PRICKLE3: variants seen among roughly 807,000 people sequenced by gnomAD.
PRICKLE3 encodes the protein prickle planar cell polarity protein 3, also known as LIM domain only protein 6.
Under a neutral mutation model 33.8 loss-of-function variants are expected in PRICKLE3, and 17 were observed. The ratio of observed to expected loss-of-function variants is 0.50; its 90% CI spans 0.34 to 0.75. The LOEUF (loss-of-function observed/expected upper bound fraction) is 0.75, where lower values mean the gene tolerates loss of function less well. Ranked by LOEUF, PRICKLE3 falls within the 30% of genes least tolerant of loss-of-function variation. The probability of loss-of-function intolerance (pLI) is 0.01; values close to 1 mark genes in which losing one functional copy is unlikely to be tolerated. For missense variants in PRICKLE3, 573 were observed against 576.7 expected (o/e 0.99, Z 0.07); for synonymous variants, 211 against 219.6 (o/e 0.96, Z 0.34).
chrX:49,180,322 G>A (rs149408761), intron 3 of PRICKLE3, among the ~76,000 whole-genome samples: 324 of 110,934 alleles, frequency 2.9e-3, no homozygotes, highest in African/African-American at 9.8e-3. Context: ...GTGAGCCACC[G>A]CGCCCAGTCT....
At chrX:49,182,057 G>A (rs1263025531) in intron 3 of PRICKLE3, among the ~76,000 whole-genome samples, 1 of 108,182 alleles carries the variant, frequency 9.2e-6, no homozygotes, top group Non-Finnish European at 1.9e-5. Context: ...AGGAATTCTT[G>A]TGGCTCAGCC....
At chrX:49,186,141 G>A in intron 1 of PRICKLE3, 115 bp downstream of exon 1, 1 of 903,789 alleles carries the variant, frequency 1.1e-6, no homozygotes, top group Admixed American at 3.1e-5. Flanking sequence ...GGGAATGCAG[G>A]GGATGGGATT....
chrX:49,184,969 C>T, intron 1 of PRICKLE3: 1 of 970,526 alleles, frequency 1.0e-6, no homozygotes, highest in Non-Finnish European at 1.3e-6. Context: ...CTCGGACCCC[C>T]CTCCCCGTCC....
At position 49,183,845 on chromosome X, in the gene PRICKLE3, G is replaced by T. The variant is rs112214301; in HGVS notation, c.201C>A (p.Arg67=). Residue 67 remains arginine (R), a synonymous_variant, in exon 3 of 9, where the codon CGC becomes CGA. Transcript: ENST00000599218. The part of the protein sequence containing the change: ...AVHAVPVDLE[R]IMCRLISDFQ... Reference sequence around the variant, plus strand: ...AGTCCGAGATTAGCCGACACATGATGCGTTCCAGGTCCACAGGCACCGCGT... The same window carrying T: ...AGTCCGAGATTAGCCGACACATGATTCGTTCCAGGTCCACAGGCACCGCGT... 1,065 of 1,209,775 alleles carry T rather than the reference G, an allele frequency of 8.8e-4. 6 individuals carry two copies. The African/African-American group carries it at 0.016, about 19-fold the overall frequency.
chrX:49,179,899 AG>A, intron 3 of PRICKLE3, 93 bp from the exon 4 acceptor site: 1 of 472,305 alleles, frequency 2.1e-6, no homozygotes, highest in South Asian at 3.4e-5. Flanking sequence ...AGAAAATGAA[AG>A]GCATTAGGAG....
chrX:49,182,384 C>T (rs1442952808), intron 3 of PRICKLE3, among the ~76,000 whole-genome samples: 1 of 111,861 alleles, frequency 8.9e-6, no homozygotes, highest in Non-Finnish European at 1.9e-5. Context: ...AACCCTCTTG[C>T]GACTTCCCTT....
At position 49,176,372 on chromosome X, in the gene PRICKLE3, G is replaced by A. The variant is rs782067745; in HGVS notation, c.1256-107C>T. The A allele has an allele frequency of 9.8e-5, 57 of 584,388 alleles. No individual in the cohort carries two copies. The African/African-American group carries it at 1.3e-3, about 13-fold the overall frequency. 48.2% of individuals were successfully genotyped at this position (584,388 alleles called of 1,213,427 possible). A position where few individuals can be genotyped will look rare whatever the true frequency, so the allele number is the denominator to read the frequency against. On this transcript the variant is annotated intron_variant, in intron 8 of 8. Coordinates refer to ENST00000599218, the MANE Select transcript of PRICKLE3 (RefSeq NM_006150.5). ...TCTTTCCTCCACTAAGACTGGGAAA[G>A]TGGGGGCAGGGGTCGGAGAATGGCA...
chrX:49,176,778 G>A (rs1469846465), intron 8 of PRICKLE3, 125 bp downstream of exon 8: 11 of 700,819 alleles, frequency 1.6e-5, no homozygotes, highest in Middle Eastern at 5.1e-4. Context: ...AGAAATGGGC[G>A]GGGCCCAGGG....
In PRICKLE3 at chrX:49,179,747, C is replaced by T. The variant is rs1557100730; in HGVS notation, c.372G>A (p.Gly124=). 8.4e-7 allele frequency: 1 copy of T among 1,187,859 alleles called. No individual in the cohort carries two copies. Among genetic ancestry groups the T allele is most frequent in the Non-Finnish European group, 1.1e-6 (1 of 882,557 alleles). ...GCAGCTGCTTGATCCTGTATTTCTCCCCAGGACTGTTGACGTAGGGGACCT... is the reference window on the plus strand; with the variant it reads ...GCAGCTGCTTGATCCTGTATTTCTCTCCAGGACTGTTGACGTAGGGGACCT... ...EDKVPYVNSP[G]EKYRIKQLLH... Residue 124 remains glycine, a synonymous_variant, in exon 4 of 9, where the codon GGG becomes GGA. Transcript: ENST00000599218.
At chrX:49,180,333 A>G (rs1557100831) in intron 3 of PRICKLE3, among the ~76,000 whole-genome samples, 1 of 110,879 alleles carries the variant, frequency 9.0e-6, no homozygotes, top group Non-Finnish European at 1.9e-5. Flanking sequence ...CGCCCAGTCT[A>G]CTGATCCACT....
rs782087627 is a variant in PRICKLE3, at chrX:49,178,039, G to A, written c.909C>T (p.Tyr303=). 5.6e-5 allele frequency: 65 copies of A among 1,154,021 alleles called. No individual in the cohort carries two copies. The highest frequency in any genetic ancestry group is 7.3e-5 in the Non-Finnish European group (63 of 867,095). ...CACAGTACTCCGCGTGGCGGGCCTC[G>A]TAGCAGGCGCAGCAGTGGGGGCGGC... is the stretch of plus-strand genomic sequence containing the variant. The part of the protein sequence containing the change: ...RQSRPHCCAC[Y]EARHAEYCDG... Residue 303 remains tyrosine, a synonymous_variant, in exon 7 of 9, where the codon TAC becomes TAT. Transcript: ENST00000599218.
At position 49,175,715 on chromosome X, in the gene PRICKLE3, C is replaced by A; in HGVS notation, c.1806G>T (p.Gly602=). The part of the protein sequence containing the change: ...SLSLPRDSRA[G]MPRQARDKNC... ...TCTTGTCTCGGGCCTGACGAGGCAT[C>A]CCTGCGCGAGAGTCCCTGGGGAGCG... The change falls in exon 9 of 9, where the codon GGG becomes GGT. Residue 602 remains glycine, a synonymous_variant. Transcript: ENST00000599218. 8.3e-7 allele frequency: 1 copy of A among 1,211,520 alleles called. No homozygotes were observed. The highest frequency in any genetic ancestry group is 3.0e-5 in the East Asian group (1 of 33,821).
intron 4 of PRICKLE3, 82 bp downstream of exon 4, chrX:49,179,611 C>A (rs1557100689): frequency 1.1e-6 from 1 of 926,029 alleles, no homozygotes; most frequent in Non-Finnish European, 1.5e-6. Context: ...ATCAGCTCAC[C>A]TTTCCTCCTC....
Position 49,184,691 on chromosome X carries a change from G to C in PRICKLE3, c.62C>G (p.Pro21Arg). The change falls in exon 2 of 9, where the codon CCA (proline) becomes CGA (arginine). Residue 21 changes from proline to arginine, a missense_variant. Coordinates refer to ENST00000599218, the MANE Select transcript of PRICKLE3 (RefSeq NM_006150.5). Reference protein sequence around the residue: ...SGRAPPEAEDPDRGQPCNSCR... With the variant: ...SGRAPPEAEDRDRGQPCNSCR... ...GGAGTTGCAGGGCTGGCCCCGGTCT[G>C]GGTCCTCTGCCTCTGGAGGCTGCAG... is the stretch of plus-strand genomic sequence containing the variant. 2.6e-6 allele frequency: 3 copies of C among 1,160,940 alleles called. No homozygotes were observed. The highest frequency in any genetic ancestry group is 3.5e-6 in the Non-Finnish European group (3 of 869,057).
Position 49,177,031 on chromosome X carries a change from C to G in PRICKLE3, c.1127G>C (p.Gly376Ala), listed in dbSNP as rs782374306. 9.9e-6 allele frequency: 12 copies of G among 1,208,201 alleles called. No homozygotes were observed. The East Asian group carries it at 3.6e-4, about 36-fold the overall frequency. ...CSLGSEPTAP[G>A]PSRRSWSAGP... ...GGCACTCCAGCTGCGGCGGCTCGGC[C>G]CTGGAGCTGTGGGCTCGGACCCAAG... Residue 376 changes from glycine (G) to alanine (A), a missense_variant, in exon 8 of 9, where the codon GGG becomes GCG. Transcript: ENST00000599218.
At chrX:49,183,193 T>C (rs2065465711) in intron 3 of PRICKLE3, among the ~76,000 whole-genome samples, 1 of 111,774 alleles carries the variant, frequency 8.9e-6, no homozygotes, top group Non-Finnish European at 1.9e-5. Context: ...TCACATGCAG[T>C]AGGTGCCCCA....
At chrX:49,182,627 G>A (rs1485124874) in intron 3 of PRICKLE3, among the ~76,000 whole-genome samples, 1 of 112,221 alleles carries the variant, frequency 8.9e-6, no homozygotes, top group Non-Finnish European at 1.9e-5. Flanking sequence ...CTTTCGGGCA[G>A]CTCAACCATT....
intron 3 of PRICKLE3, among the ~76,000 whole-genome samples, chrX:49,181,669 G>T (rs1475358663): frequency 1.1e-5 from 1 of 91,460 alleles, no homozygotes; most frequent in Non-Finnish European, 2.1e-5. Flanking sequence ...TTTATTAAAC[G>T]GAATTTTGCT....
At position 49,175,944 on chromosome X, in the gene PRICKLE3, G is replaced by C; in HGVS notation, c.1577C>G (p.Pro526Arg). Residue 526 changes from proline to arginine, a missense_variant, in exon 9 of 9, where the codon CCA (proline) becomes CGA (arginine). By Grantham distance (103) the Pro-to-Arg change is moderately radical (BLOSUM62 -2). Coordinates refer to ENST00000599218, the MANE Select transcript of PRICKLE3 (RefSeq NM_006150.5). ...HNHHHHHNRHPSRRRHYQCDA... is the reference protein window; with the variant it reads ...HNHHHHHNRHRSRRRHYQCDA... Reference sequence around the variant, plus strand: ...ACATTGATAGTGGCGACGTCTGCTTGGGTGGCGGTTGTGATGGTGATGGTG... The same window carrying C: ...ACATTGATAGTGGCGACGTCTGCTTCGGTGGCGGTTGTGATGGTGATGGTG... 1 of 1,211,370 alleles carries C rather than the reference G, an allele frequency of 8.3e-7. No individual in the cohort carries two copies. The highest frequency in any genetic ancestry group is 1.1e-6 in the Non-Finnish European group (1 of 895,460).
Sources: gnomAD v4.1 joint callset for allele counts (sites outside exome capture counted in the v4.1 genomes callset) on GRCh38, gnomAD v4.1.1 for gene constraint, MANE v1.5 for transcripts, NCBI Gene and HGNC (gene_info 2026-07-23, HGNC 2026-07-21) for gene names.